Variants in LNP1 observed in about 807,000 individuals in gnomAD.
LNP1 encodes leukemia NUP98 fusion partner 1.
LNP1 carries 12 observed loss-of-function variants against 14.5 expected under a neutral mutation model. The observed-to-expected ratio is 0.83, with a 90% CI of 0.53 to 1.34. LNP1 has a LOEUF of 1.34. Among genes scored for constraint, LNP1 ranks in the 40% most tolerant of loss-of-function variants. LNP1 has a pLI of 0.00. For missense variants in LNP1, 198 were observed against 210.9 expected, an observed-to-expected ratio of 0.94 and a Z score of 0.38; for synonymous variants, 75 against 71.4, an observed-to-expected ratio of 1.05 and a Z score of -0.26.
chr3:100,451,999 CA>C, intron 3 of LNP1, 50 bp downstream of exon 3: 1 of 1,294,244 alleles, frequency 7.7e-7, no homozygotes, highest in Non-Finnish European at 1.1e-6. Context: ...AAAGGAAACC[CA>C]AAGGTTTTGT....
chr3:100,412,185 G>A (rs1345217900), intron 1 of LNP1, among the ~76,000 whole-genome samples: 1 of 152,228 alleles, frequency 6.6e-6, no homozygotes, highest in Non-Finnish European at 1.5e-5. Flanking sequence ...GTGAACATGT[G>A]TGAAGACAGA....
chr3:100,410,391 A>C (rs1707021017), intron 1 of LNP1, among the ~76,000 whole-genome samples: 1 of 152,214 alleles, frequency 6.6e-6, no homozygotes, highest in Admixed American at 6.5e-5. Context: ...GGAAACTGGA[A>C]GGTGATCTTT....
In LNP1 at chr3:100,451,960, G is replaced by C; in HGVS notation, c.387+11G>C. 1.3e-6 allele frequency: 2 copies of C among 1,567,822 alleles called. No individual in the cohort carries two copies. The highest frequency in any genetic ancestry group is 1.2e-5 in the South Asian group (1 of 86,396). Reference sequence around the variant, plus strand: ...CGTTCTGCCTCTTTGGTATGTAACAGAGCTACTGAATATTTAAGCCGCTTT... The same window carrying C: ...CGTTCTGCCTCTTTGGTATGTAACACAGCTACTGAATATTTAAGCCGCTTT... On this transcript the variant is annotated intron_variant, in intron 3 of 3. Coordinates refer to ENST00000383693, the MANE Select transcript of LNP1 (RefSeq NM_001085451.2).
intron 2 of LNP1, among the ~76,000 whole-genome samples, chr3:100,439,279 A>G (rs1707322241): frequency 6.9e-6 from 1 of 143,954 alleles, no homozygotes. Flanking sequence ...AAAAATACTA[A>G]AAAAAAAAAG....
intron 1 of LNP1, among the ~76,000 whole-genome samples, chr3:100,414,873 T>C (rs1046333878): frequency 1.3e-5 from 2 of 152,228 alleles, no homozygotes; most frequent in Admixed American, 1.3e-4. Flanking sequence ...AGCTAACCTG[T>C]GTTCAGAATT....
chr3:100,430,380 G>A (rs751340784), intron 2 of LNP1, among the ~76,000 whole-genome samples: 1 of 152,186 alleles, frequency 6.6e-6, no homozygotes, highest in Non-Finnish European at 1.5e-5. Flanking sequence ...GTTTCTAGAT[G>A]GGAGAGGGAG....
At chr3:100,450,395 G>A (rs892206683) in intron 2 of LNP1, among the ~76,000 whole-genome samples, 18 of 150,094 alleles carry the variant, frequency 1.2e-4, no homozygotes, top group Admixed American at 8.0e-4. Context: ...GTGCAATAGC[G>A]TGATCTCGGC....
At chr3:100,423,605 C>T (rs1707165505) in intron 1 of LNP1, among the ~76,000 whole-genome samples, 1 of 152,202 alleles carries the variant, frequency 6.6e-6, no homozygotes, top group African/African-American at 2.4e-5. Context: ...ATTACCTGGG[C>T]ACCCATGATA....
chr3:100,429,973 A>G lies in LNP1; in HGVS notation c.156+88A>G, dbSNP rs1707227888. On this transcript the variant is annotated intron_variant, in intron 2 of 3. Transcript: ENST00000383693. The stretch of plus-strand genomic sequence containing the variant: ...AATTTTTTGAGGAATCTTTGGATAT[A>G]AAGTTTTCTTTGGTTTAAAACCAGT... 4 of 1,407,172 alleles carry G rather than the reference A, an allele frequency of 2.8e-6. No individual in the cohort carries two copies. In the East Asian group the frequency reaches 9.3e-5, roughly 33 times the overall value. The allele number at this position is 1,407,172 out of a possible 1,614,324, so 87.2% of individuals were successfully genotyped here.
intron 2 of LNP1, among the ~76,000 whole-genome samples, chr3:100,432,019 TA>T (rs1707247772): frequency 3.2e-5 from 1 of 31,714 alleles, no homozygotes. Context: ...TATATATATA[TA>T]TATATATATA....
intron 2 of LNP1, among the ~76,000 whole-genome samples, chr3:100,441,461 T>C (rs116366175): frequency 1.5e-3 from 227 of 152,330 alleles, no homozygotes; most frequent in Non-Finnish European, 2.7e-3. Flanking sequence ...GTTGTGATGT[T>C]AATGATTGAT....
At chr3:100,431,280 C>T (rs1034672991) in intron 2 of LNP1, among the ~76,000 whole-genome samples, 24 of 152,288 alleles carry the variant, frequency 1.6e-4, no homozygotes, top group African/African-American at 5.8e-4. Flanking sequence ...GAGATAGTTA[C>T]CCCATTTACA....
At chr3:100,414,352 G>T (rs1159576847) in intron 1 of LNP1, among the ~76,000 whole-genome samples, 4 of 152,114 alleles carry the variant, frequency 2.6e-5, no homozygotes, top group Non-Finnish European at 5.9e-5. Flanking sequence ...GTTGAGACCA[G>T]CCTGGACAAC....
intron 1 of LNP1, among the ~76,000 whole-genome samples, chr3:100,414,087 G>A (rs1340805328): frequency 1.3e-5 from 2 of 151,946 alleles, no homozygotes; most frequent in Admixed American, 6.6e-5. Context: ...GCTGCTTCAC[G>A]AACTACCCCA....
At chr3:100,418,311 G>T (rs934348337) in intron 1 of LNP1, among the ~76,000 whole-genome samples, 1 of 151,698 alleles carries the variant, frequency 6.6e-6, no homozygotes, top group African/African-American at 2.4e-5. Context: ...AACTGCCTCG[G>T]CCTCCCAAAG....
At chr3:100,454,631 A>T (rs115758009) in intron 3 of LNP1, among the ~76,000 whole-genome samples, 2,143 of 152,300 alleles carry the variant, frequency 0.014, 25 homozygotes, top group Middle Eastern at 0.034. Context: ...GATAATTTTC[A>T]CATTTAGCAT....
At chr3:100,438,408 G>A (rs1191288457) in intron 2 of LNP1, among the ~76,000 whole-genome samples, 1 of 152,104 alleles carries the variant, frequency 6.6e-6, no homozygotes, top group Non-Finnish European at 1.5e-5. Context: ...CCTCTCCCAT[G>A]ATTAACCTTC....
At chr3:100,413,793 G>C (rs578146360) in intron 1 of LNP1, among the ~76,000 whole-genome samples, 14 of 152,306 alleles carry the variant, frequency 9.2e-5, no homozygotes, top group Non-Finnish European at 1.5e-4. Flanking sequence ...GCATGAAAAT[G>C]CTGGTCCATT....
chr3:100,448,690 G>C (rs907291530), intron 2 of LNP1, among the ~76,000 whole-genome samples: 4 of 152,144 alleles, frequency 2.6e-5, no homozygotes, highest in African/African-American at 9.7e-5. Context: ...CATTTGACTA[G>C]TCTTTTCTTT....
Sources: allele counts gnomAD v4.1 joint callset (sites outside exome capture counted in the v4.1 genomes callset), GRCh38; gene constraint gnomAD v4.1.1; transcripts MANE v1.5; gene names NCBI Gene and HGNC (gene_info 2026-07-23, HGNC 2026-07-21).